The following ROBO2 variants were observed in gnomAD, a reference collection of about 807,000 sequenced individuals.
ROBO2 encodes roundabout homolog 2.
In ROBO2, 53 loss-of-function variants were observed where a neutral mutation model predicts 160.8. The ratio of observed to expected loss-of-function variants is 0.33; its 90% CI spans 0.26 to 0.41. The LOEUF (loss-of-function observed/expected upper bound fraction) is 0.41, where lower values mean the gene tolerates loss of function less well. ROBO2 is among the 10% of genes least tolerant of loss of function. ROBO2 has a pLI of 1.00. For synonymous variants in ROBO2, 664 were observed against 611.7 expected (o/e 1.09, Z -1.26); for missense variants, 1,577 against 1,722.4 (o/e 0.92, Z 1.49).
chr3:76,362,667 G>A (rs115734406), intron 2 of ROBO2, among the ~76,000 whole-genome samples: 2,309 of 152,132 alleles, frequency 0.015, 29 homozygotes, highest in Non-Finnish European at 0.022. Context: ...TTACCCAAGA[G>A]GCACAGGGCA....
At chr3:76,043,850 A>G (rs925656333) in intron 2 of ROBO2, among the ~76,000 whole-genome samples, 1 of 151,918 alleles carries the variant, frequency 6.6e-6, no homozygotes, top group African/African-American at 2.4e-5. Flanking sequence ...TCTTGGAACT[A>G]TGTGAAGATT....
chr3:76,059,713 G>A (rs1331570646), intron 2 of ROBO2, among the ~76,000 whole-genome samples: 4 of 152,130 alleles, frequency 2.6e-5, no homozygotes, highest in Admixed American at 1.3e-4. Context: ...TTTTAGACAT[G>A]AAGTCCTTGC....
chr3:76,044,992 A>G (rs962445363), intron 2 of ROBO2, among the ~76,000 whole-genome samples: 1 of 152,100 alleles, frequency 6.6e-6, no homozygotes, highest in Non-Finnish European at 1.5e-5. Flanking sequence ...GGTGAAACGG[A>G]TGTGAGAGCA....
At chr3:76,713,126 A>C (rs1257260176) in intron 2 of ROBO2, among the ~76,000 whole-genome samples, 1 of 152,212 alleles carries the variant, frequency 6.6e-6, no homozygotes, top group East Asian at 1.9e-4. Flanking sequence ...ATTTGTAAAC[A>C]TCATATGGGA....
rs188824430 is a variant in ROBO2 at position 76,155,666 on chromosome 3, G to A, written c.109+218064G>A. ...AGTTCTTTCTTGACATGAGCTGCAG[G>A]TGCAAGTTTGCACGTCTTTAACTAA... On this transcript the variant is annotated intron_variant, in intron 2 of 26. Coordinates refer to the ROBO2 transcript ENST00000487694. 2.6e-5 allele frequency among the ~76,000 whole-genome samples: 4 copies of A among 152,264 alleles called. No homozygotes were observed. In the East Asian group the frequency reaches 7.7e-4, roughly 29 times the overall value.
chr3:76,958,410 G>C (rs2149218470), intron 2 of ROBO2, among the ~76,000 whole-genome samples: 1 of 152,332 alleles, frequency 6.6e-6, no homozygotes, highest in South Asian at 2.1e-4. Flanking sequence ...CTCAGCTCAT[G>C]CTTTGGCATC....
intron 2 of ROBO2, among the ~76,000 whole-genome samples, chr3:76,625,049 T>C (rs2089527986): frequency 1.3e-5 from 2 of 152,104 alleles, no homozygotes; most frequent in African/African-American, 4.8e-5. Context: ...TTAATGCAGT[T>C]GCCCTAATCC....
chr3:77,275,184 A>T (rs950957832), intron 2 of ROBO2, among the ~76,000 whole-genome samples: 17 of 152,160 alleles, frequency 1.1e-4, no homozygotes, highest in Admixed American at 5.2e-4. Flanking sequence ...ATATAGATAC[A>T]AACCAGAATA....
At position 77,187,514 on chromosome 3, in the gene ROBO2, G is replaced by A. The variant is rs986123775; in HGVS notation, c.388+89174G>A. On this transcript the variant is annotated intron_variant, in intron 2 of 25. Coordinates refer to ENST00000461745, the Ensembl canonical transcript of ROBO2. ...TATCTCTATAGTTGTTTTTGGTCTC[G>A]TTTTTACAGGCAGGTGAATATAATG... Among the ~76,000 whole-genome samples the A allele has an allele frequency of 3.3e-5, 5 of 151,920 alleles. No homozygotes were observed. In the East Asian group the frequency reaches 5.8e-4, roughly 18 times the overall value.
intron 2 of ROBO2, among the ~76,000 whole-genome samples, chr3:76,780,067 T>C (rs900144140): frequency 2.6e-5 from 4 of 150,996 alleles, no homozygotes; most frequent in Non-Finnish European, 4.5e-5. Context: ...CTAATTATCT[T>C]TGGTTTTTAA....
intron 2 of ROBO2, among the ~76,000 whole-genome samples, chr3:76,072,076 C>CA (rs1342254390): frequency 2.0e-5 from 3 of 152,072 alleles, no homozygotes; most frequent in Non-Finnish European, 4.4e-5. Flanking sequence ...TGATGTTTCT[C>CA]AAAACACTTG....
At chr3:76,176,877 G>A (rs2073251678) in intron 2 of ROBO2, among the ~76,000 whole-genome samples, 1 of 152,072 alleles carries the variant, frequency 6.6e-6, no homozygotes, top group Non-Finnish European at 1.5e-5. Context: ...ACACTCAAGT[G>A]TAGAGAAGTT....
At chr3:76,424,366 T>G (rs1323876670) in intron 2 of ROBO2, among the ~76,000 whole-genome samples, 1 of 152,190 alleles carries the variant, frequency 6.6e-6, no homozygotes, top group Non-Finnish European at 1.5e-5. Context: ...TACAATTGTA[T>G]TTAGTATATT....
At chr3:76,410,093 AT>A (rs1310216802) in intron 2 of ROBO2, among the ~76,000 whole-genome samples, 2 of 151,926 alleles carry the variant, frequency 1.3e-5, no homozygotes, top group Non-Finnish European at 2.9e-5. Flanking sequence ...ATCTCAGTGT[AT>A]TTTTTTCTTG....
chr3:76,170,017 T>C (rs2072982767), intron 2 of ROBO2, among the ~76,000 whole-genome samples: 1 of 152,170 alleles, frequency 6.6e-6, no homozygotes, highest in African/African-American at 2.4e-5. Context: ...CCTGACCTCA[T>C]GATCCACTCG....
chr3:77,335,808 T>G (rs2153447140), intron 2 of ROBO2, among the ~76,000 whole-genome samples: 1 of 152,310 alleles, frequency 6.6e-6, no homozygotes, highest in Non-Finnish European at 1.5e-5. Flanking sequence ...AAGGCAACTT[T>G]GATTTTAAAG....
intron 2 of ROBO2, among the ~76,000 whole-genome samples, chr3:76,742,400 C>T (rs2093816980): frequency 6.6e-6 from 1 of 152,100 alleles, no homozygotes; most frequent in South Asian, 2.1e-4. Context: ...CATTTTTTAA[C>T]TACTCCATTT....
intron 2 of ROBO2, among the ~76,000 whole-genome samples, chr3:76,542,586 C>G (rs911427687): frequency 6.6e-6 from 1 of 152,138 alleles, no homozygotes; most frequent in Admixed American, 6.5e-5. Flanking sequence ...AGGCTGAGTT[C>G]AAGTCTTCAT....
chr3:77,520,213 A>T (rs764923638), intron 5 of ROBO2, among the ~76,000 whole-genome samples: 1 of 151,366 alleles, frequency 6.6e-6, no homozygotes, highest in Non-Finnish European at 1.5e-5. Flanking sequence ...TATGTGTCTT[A>T]CTGTTTTAAG....
Sources: gnomAD v4.1 joint callset for allele counts (sites outside exome capture counted in the v4.1 genomes callset) on GRCh38, gnomAD v4.1.1 for gene constraint, MANE v1.5 for transcripts, NCBI Gene and HGNC (gene_info 2026-07-23, HGNC 2026-07-21) for gene names.